The following SYTL4 variants were observed in gnomAD, a reference collection of about 807,000 sequenced individuals.
SYTL4 encodes synaptotagmin-like protein 4.
SYTL4 carries 16 observed loss-of-function variants against 52.7 expected under a neutral mutation model. That is an observed-to-expected ratio of 0.30 (90% CI 0.21 to 0.46). The LOEUF (loss-of-function observed/expected upper bound fraction) is 0.46, where lower values mean the gene tolerates loss of function less well. Among genes scored for constraint, SYTL4 ranks in the 20% least tolerant of loss-of-function variants. SYTL4 has a pLI of 1.00. For synonymous variants in SYTL4, 160 were observed against 186.6 expected (o/e 0.86, Z 1.16); for missense variants, 423 against 519.9 (o/e 0.81, Z 1.81).
chrX:100,714,550 T>C (rs375116551), intron 2 of SYTL4, among the ~76,000 whole-genome samples: 1 of 105,390 alleles, frequency 9.5e-6, no homozygotes, highest in East Asian at 2.9e-4. Flanking sequence ...TGAGCCACCG[T>C]GCCTGGCCAA....
At position 100,678,494 on chromosome X, in the gene SYTL4, C is replaced by A; in HGVS notation, c.1764G>T (p.Arg588Ser). The change falls in exon 19 of 20, where the codon AGG becomes AGT. Residue 588 changes from arginine (R) to serine (S), a missense_variant. Transcript: ENST00000372989. ...GGCACATATGCTGTAGATCTTCCAGCCTCACACCATTGTAGACAAATGTAT... is the reference window on the plus strand; with the variant it reads ...GGCACATATGCTGTAGATCTTCCAGACTCACACCATTGTAGACAAATGTAT... ...YNHTFVYNGV[R>S]LEDLQHMCLE... The A allele has an allele frequency of 8.3e-7, 1 of 1,210,387 alleles. No individual in the cohort carries two copies. Among genetic ancestry groups the A allele is most frequent in the African/African-American group, 1.7e-5 (1 of 57,691 alleles).
At chrX:100,698,651 A>G (rs753684966) in intron 8 of SYTL4, among the ~76,000 whole-genome samples, 123 of 112,002 alleles carry the variant, frequency 1.1e-3, no homozygotes, top group African/African-American at 3.9e-3. Flanking sequence ...TCAAGTATAA[A>G]GGCAGCTGGC....
rs778723827 is a variant in SYTL4, at chrX:100,687,114, C to G, written c.1137G>C (p.Glu379Asp). 3.3e-6 allele frequency: 4 copies of G among 1,211,744 alleles called. No individual in the cohort carries two copies. The highest frequency in any genetic ancestry group is 4.5e-6 in the Non-Finnish European group (4 of 895,524). Residue 379 changes from glutamate (E) to aspartate (D), a missense_variant, in exon 14 of 20, where the codon GAG becomes GAC. Physicochemically the swap from Glu to Asp is conservative, Grantham distance 45. Coordinates refer to ENST00000372989, the MANE Select transcript of SYTL4 (RefSeq NM_001370165.1). ...CATCAGCATAGGCCAGCTGATGGCA[C>G]TCCTTCACATGGACAACCAGACTCT... ...QTQSLVVHVK[E>D]CHQLAYADEA...
Position 100,678,585 on chromosome X carries a change from A to G in SYTL4, c.1673T>C (p.Met558Thr), listed in dbSNP as rs775421517. 8.3e-6 allele frequency: 10 copies of G among 1,209,997 alleles called. No individual in the cohort carries two copies. In the South Asian group the frequency reaches 8.8e-5, roughly 11 times the overall value. Residue 558 changes from methionine to threonine, a missense_variant, in exon 19 of 20, where the codon ATG becomes ACG. By Grantham distance (81) the Met-to-Thr change is moderately conservative. Transcript: ENST00000372989. ...DSFVKGYLLP[M>T]RNKASKRKTP... is the part of the protein sequence containing the mutation. ...TTTACGTTTACTGGCCTTGTTCCTC[A>G]TGGGAAGGAGGTATCTGGCAGAGGG...
chrX:100,690,646 T>C lies in SYTL4; in HGVS notation c.642-8A>G, dbSNP rs777694644. The C allele has an allele frequency of 2.4e-5, 28 of 1,179,276 alleles. No homozygotes were observed. Among genetic ancestry groups the C allele is most frequent in the Non-Finnish European group, 3.2e-5 (28 of 869,834 alleles). ...TTATCCAGAGAGTCTCTCCTGGAGG[T>C]AGATTCAGAAATTATAACTAAGTCA... On this transcript the variant is annotated splice_region_variant and splice_polypyrimidine_tract_variant and intron_variant, in intron 9 of 19. Transcript: ENST00000372989.
At chrX:100,719,614 C>A (rs113253104) in intron 2 of SYTL4, among the ~76,000 whole-genome samples, 12,675 of 99,519 alleles carry the variant, frequency 0.13, 1,570 homozygotes, top group African/African-American at 0.38. Context: ...ATACACAAGA[C>A]AATAACTCAT....
intron 8 of SYTL4, among the ~76,000 whole-genome samples, chrX:100,693,474 A>G (rs970781795): frequency 8.9e-6 from 1 of 112,158 alleles, no homozygotes; most frequent in African/African-American, 3.2e-5. Context: ...ATCCTCTTCA[A>G]TGTATACCTA....
At chrX:100,695,942 G>A (rs1225793254) in intron 8 of SYTL4, among the ~76,000 whole-genome samples, 1 of 111,714 alleles carries the variant, frequency 9.0e-6, no homozygotes, top group Non-Finnish European at 1.9e-5. Flanking sequence ...GAACCATACA[G>A]TATGTACTCT....
At chrX:100,693,226 G>A (rs1273264168) in intron 8 of SYTL4, among the ~76,000 whole-genome samples, 2 of 112,045 alleles carry the variant, frequency 1.8e-5, no homozygotes, top group Admixed American at 1.9e-4. Context: ...CATCATGCCC[G>A]GCCTCAAATT....
rs1481685778 is a variant in SYTL4, at chrX:100,696,540, G to T, written c.539+4357C>A. ...TGTGCTTATCTGACATCTCTATATT[G>T]TCTTTGGTGAAATGTCTGTTCAAAT... On this transcript the variant is annotated intron_variant, in intron 8 of 19. Coordinates refer to ENST00000372989, the MANE Select transcript of SYTL4 (RefSeq NM_001370165.1). 5.4e-5 allele frequency among the ~76,000 whole-genome samples: 6 copies of T among 111,575 alleles called. 1 individual carries two copies. The Admixed American group carries it at 5.7e-4, about 11-fold the overall frequency.
chrX:100,716,593 C>T (rs950445988), intron 2 of SYTL4, among the ~76,000 whole-genome samples: 1 of 98,969 alleles, frequency 1.0e-5, no homozygotes, highest in African/African-American at 3.8e-5. Flanking sequence ...GAAAAGAAAG[C>T]TTCCAGGGAT....
At chrX:100,722,895 A>G (rs1032218345) in intron 2 of SYTL4, among the ~76,000 whole-genome samples, 2 of 111,682 alleles carry the variant, frequency 1.8e-5, no homozygotes, top group Non-Finnish European at 3.8e-5. Flanking sequence ...AATCCAATAG[A>G]CAGTTCTTGG....
chrX:100,679,179 A>G (rs1038398456), intron 18 of SYTL4, 134 bp downstream of exon 18: 11 of 480,603 alleles, frequency 2.3e-5, no homozygotes, highest in Non-Finnish European at 3.9e-5. Context: ...TTTTGTCATT[A>G]CCTAATTTCA....
At chrX:100,712,261 A>G (rs1432338802) in intron 2 of SYTL4, among the ~76,000 whole-genome samples, 1 of 112,476 alleles carries the variant, frequency 8.9e-6, no homozygotes, top group Non-Finnish European at 1.9e-5. Context: ...CTTATTATTT[A>G]AATCTCTTTT....
chrX:100,716,546 T>TAAAAAAAAA (rs751442914), intron 2 of SYTL4, among the ~76,000 whole-genome samples: 1 of 43,321 alleles, frequency 2.3e-5, no homozygotes, highest in Non-Finnish European at 4.8e-5. Context: ...CTGCAAAACT[T>TAAAAAAAAA]AAAAAAAAAA....
intron 8 of SYTL4, among the ~76,000 whole-genome samples, chrX:100,698,728 CAAT>C (rs765247751): frequency 3.8e-3 from 430 of 112,117 alleles, no homozygotes; most frequent in Middle Eastern, 0.014. Flanking sequence ...AGGACCTCCT[CAAT>C]GATGAAATCC....
At chrX:100,692,182 G>A (rs190903865) in intron 8 of SYTL4, among the ~76,000 whole-genome samples, 2 of 111,386 alleles carry the variant, frequency 1.8e-5, no homozygotes, top group African/African-American at 6.5e-5. Flanking sequence ...CCTAAGTCTC[G>A]ATTAGTAACC....
intron 8 of SYTL4, 132 bp from the exon 9 acceptor site, chrX:100,691,341 T>C (rs2083593994): frequency 4.8e-6 from 2 of 420,234 alleles, no homozygotes; most frequent in Middle Eastern, 5.2e-4. Context: ...ACTTTAAACA[T>C]ATAATAAATT....
rs775062952 is a variant in SYTL4 at position 100,700,947 on chromosome X, A to C, written c.489T>G (p.Gly163=). 5 of 1,208,903 alleles carry C rather than the reference A, an allele frequency of 4.1e-6. No homozygotes were observed. The highest frequency in any genetic ancestry group is 1.8e-5 in the African/African-American group (1 of 57,040). ...GQSLLHQTQM[G]DIWPGRKIIQ... ...TGATCTTTCTTCCTGGCCAGATGTC[A>C]CCCATCTGTGTCTGATGAAGGAGGG... The change falls in exon 8 of 20, where the codon GGT becomes GGG. Residue 163 remains glycine, a synonymous_variant. Transcript: ENST00000372989.
Sources: gnomAD v4.1 joint callset for allele counts (sites outside exome capture counted in the v4.1 genomes callset) on GRCh38, gnomAD v4.1.1 for gene constraint, MANE v1.5 for transcripts, NCBI Gene and HGNC (gene_info 2026-07-23, HGNC 2026-07-21) for gene names.